EPHA3: variants seen among roughly 807,000 people sequenced by gnomAD.
The protein encoded by EPHA3 is ephrin type-A receptor 3.
In EPHA3, 42 loss-of-function variants were observed where a neutral mutation model predicts 107.1. That is an observed-to-expected ratio of 0.39 (90% CI 0.31 to 0.51). EPHA3 has a LOEUF of 0.51. EPHA3 is among the 20% of genes least tolerant of loss of function. EPHA3 has a pLI of 0.78. For missense variants in EPHA3, 1,183 were observed against 1,211.2 expected (o/e 0.98, Z 0.35); for synonymous variants, 461 against 424.8 (o/e 1.09, Z -1.05).
chr3:89,395,163 A>C (rs1708821868), intron 5 of EPHA3, among the ~76,000 whole-genome samples: 1 of 152,216 alleles, frequency 6.6e-6, no homozygotes, highest in African/African-American at 2.4e-5. Context: ...AAACATGTCT[A>C]GGTAATTGTA....
At chr3:89,116,503 C>T (rs1443188082) in intron 1 of EPHA3, among the ~76,000 whole-genome samples, 1 of 151,906 alleles carries the variant, frequency 6.6e-6, no homozygotes, top group African/African-American at 2.4e-5. Context: ...TAACTCCTGC[C>T]ATTGAGAAAA....
chr3:89,359,122 T>C (rs1264509924), intron 5 of EPHA3, among the ~76,000 whole-genome samples: 1 of 151,200 alleles, frequency 6.6e-6, no homozygotes, highest in Non-Finnish European at 1.5e-5. Context: ...TGCATTAAAA[T>C]ATAATCAACA....
At chr3:89,355,962 T>C in intron 5 of EPHA3, among the ~76,000 whole-genome samples, 1 of 149,636 alleles carries the variant, frequency 6.7e-6, no homozygotes, top group East Asian at 2.0e-4. Flanking sequence ...TAGGTACTTC[T>C]CCTAAAGCTA....
intron 16 of EPHA3, among the ~76,000 whole-genome samples, chr3:89,476,070 A>T (rs201425888): frequency 0.079 from 11,791 of 149,548 alleles, 579 homozygotes; most frequent in Middle Eastern, 0.13. Flanking sequence ...TGCATTAAGT[A>T]AAAAAATTGT....
chr3:89,137,042 T>C (rs1704329593), intron 2 of EPHA3, among the ~76,000 whole-genome samples: 1 of 151,982 alleles, frequency 6.6e-6, no homozygotes, highest in African/African-American at 2.4e-5. Flanking sequence ...TGACCAAAAA[T>C]ATACATATTA....
At chr3:89,187,931 G>A (rs1260953438) in intron 2 of EPHA3, among the ~76,000 whole-genome samples, 1 of 152,008 alleles carries the variant, frequency 6.6e-6, no homozygotes, top group Non-Finnish European at 1.5e-5. Flanking sequence ...CCACAAACCT[G>A]CTTTCTTTGA....
chr3:89,378,536 A>G (rs190837297), intron 5 of EPHA3, among the ~76,000 whole-genome samples: 2,432 of 152,296 alleles, frequency 0.016, 65 homozygotes, highest in African/African-American at 0.055. Flanking sequence ...TTACTTCACA[A>G]GCTTGGAAAT....
At chr3:89,440,852 T>C (rs1393639803) in intron 13 of EPHA3, among the ~76,000 whole-genome samples, 2 of 152,224 alleles carry the variant, frequency 1.3e-5, no homozygotes, top group African/African-American at 4.8e-5. Context: ...TAAATCGAGG[T>C]GACACCCATG....
rs67054298 is a variant in EPHA3 at position 89,136,330 on chromosome 3, C to CTTTTTTTTTTTTTTTTTTTTTTT, written c.153+9059_153+9081dup. Among the ~76,000 whole-genome samples, 15 of 23,382 alleles carry CTTTTTTTTTTTTTTTTTTTTTTT rather than the reference C, an allele frequency of 6.4e-4. 4 individuals are homozygous for CTTTTTTTTTTTTTTTTTTTTTTT. The highest frequency in any genetic ancestry group is 9.9e-4 in the African/African-American group (6 of 6,060). The allele number at this position is 23,382 out of a possible 152,430, so 15.3% of individuals were successfully genotyped here. A position where few individuals can be genotyped will look rare whatever the true frequency, so the allele number is the denominator to read the frequency against. On this transcript the variant is annotated intron_variant, in intron 2 of 16. Transcript: ENST00000336596. ...GAAAAACATGGCAAAATCTTACAGG[C>CTTTTTTTTTTTTTTTTTTTTTTT]TTTTTTTTTTTTTTTTTTTTTTTTG...
intron 15 of EPHA3, among the ~76,000 whole-genome samples, chr3:89,459,074 T>A (rs1185467068): frequency 6.6e-6 from 1 of 152,086 alleles, no homozygotes; most frequent in Non-Finnish European, 1.5e-5. Flanking sequence ...AAATACCTAA[T>A]GCATGTGGAG....
chr3:89,371,333 AG>A (rs1708296026), intron 5 of EPHA3, among the ~76,000 whole-genome samples: 1 of 151,696 alleles, frequency 6.6e-6, no homozygotes, highest in South Asian at 2.1e-4. Flanking sequence ...TTTCCCTGGA[AG>A]ATTACTCTCT....
intron 3 of EPHA3, among the ~76,000 whole-genome samples, chr3:89,290,954 G>C (rs531852822): frequency 6.6e-6 from 1 of 152,234 alleles, no homozygotes; most frequent in South Asian, 2.1e-4. Flanking sequence ...TGAATACCAA[G>C]GGTATATTGA....
chr3:89,380,722 G>C (rs1175709293), intron 5 of EPHA3, among the ~76,000 whole-genome samples: 1 of 150,540 alleles, frequency 6.6e-6, no homozygotes, highest in Non-Finnish European at 1.5e-5. Context: ...TAGTAAACTT[G>C]TAAGTGTACT....
intron 3 of EPHA3, among the ~76,000 whole-genome samples, chr3:89,239,640 A>T (rs563113689): frequency 6.6e-6 from 1 of 152,208 alleles, no homozygotes; most frequent in South Asian, 2.1e-4. Flanking sequence ...AGGATTACAG[A>T]TATAAACACA....
At chr3:89,192,617 T>C (rs1310869610) in intron 2 of EPHA3, among the ~76,000 whole-genome samples, 1 of 152,066 alleles carries the variant, frequency 6.6e-6, no homozygotes. Flanking sequence ...CTGGTATACT[T>C]ATAAAAATCT....
At chr3:89,228,288 GA>G (rs1704546064) in intron 3 of EPHA3, among the ~76,000 whole-genome samples, 1 of 151,876 alleles carries the variant, frequency 6.6e-6, no homozygotes, top group Non-Finnish European at 1.5e-5. Flanking sequence ...AAAGAAAACT[GA>G]ATATTGAAGA....
rs569597487 is a variant in EPHA3, at chr3:89,391,127, C to T, written c.1307-4710C>T. Among the ~76,000 whole-genome samples, 6 of 152,210 alleles carry T rather than the reference C, an allele frequency of 3.9e-5. No individual in the cohort carries two copies. In the South Asian group the frequency reaches 1.0e-3, roughly 26 times the overall value. ...ATCAGCTTTTATAAAACACATATTA[C>T]TAGATATATAGGGTGAAAATATCTG... On this transcript the variant is annotated intron_variant, in intron 5 of 16. Transcript: ENST00000336596.
At chr3:89,232,716 G>A (rs573294657) in intron 3 of EPHA3, among the ~76,000 whole-genome samples, 2 of 152,148 alleles carry the variant, frequency 1.3e-5, no homozygotes, top group South Asian at 4.2e-4. Flanking sequence ...ATACAAAATG[G>A]CCTCTCAAAC....
intron 3 of EPHA3, among the ~76,000 whole-genome samples, chr3:89,211,107 A>C (rs1390065776): frequency 6.6e-6 from 1 of 152,090 alleles, no homozygotes; most frequent in Non-Finnish European, 1.5e-5. Flanking sequence ...ATGATTTTTA[A>C]GTGTCTTTTG....
Sources: gnomAD v4.1 joint callset for allele counts (sites outside exome capture counted in the v4.1 genomes callset) on GRCh38, gnomAD v4.1.1 for gene constraint, MANE v1.5 for transcripts, NCBI Gene and HGNC (gene_info 2026-07-23, HGNC 2026-07-21) for gene names.